The following SRSF1 variants were observed in gnomAD, a reference collection of about 807,000 sequenced individuals.
The protein encoded by SRSF1 is serine/arginine-rich splicing factor 1.
A neutral mutation model predicts 25.9 loss-of-function variants in SRSF1; 1 was observed. The ratio of observed to expected loss-of-function variants is 0.04; its 90% confidence interval spans 0.01 to 0.18. The LOEUF (loss-of-function observed/expected upper bound fraction) is 0.18, where lower values mean the gene tolerates loss of function less well. SRSF1 is among the 10% of genes least tolerant of loss of function. The pLI, the probability that SRSF1 is intolerant of heterozygous loss-of-function variation, is 1.00. For missense variants in SRSF1, 65 were observed against 350.5 expected, an observed-to-expected ratio of 0.19 and a Z score of 6.50; for synonymous variants, 132 against 126.2, an observed-to-expected ratio of 1.05 and a Z score of -0.31.
rs1412704232 is a variant in SRSF1 at position 58,005,855 on chromosome 17, T to C, written c.498A>G (p.Glu166=). 6.2e-7 allele frequency: 1 copy of C among 1,614,166 alleles called. No homozygotes were observed. The highest frequency in any genetic ancestry group is 1.7e-5 in the Admixed American group (1 of 60,024). ...GTTTTCGAACTGCATAGGTCATATC[T>C]TCTTTCCGTACAAACTCCACGACAC... ...GTGVVEFVRK[E]DMTYAVRKLD... Residue 166 remains glutamate, a synonymous_variant, in exon 3 of 4, where the codon GAA becomes GAG. Coordinates refer to ENST00000258962, the MANE Select transcript of SRSF1 (RefSeq NM_006924.5). This position sits in a 1 kb window ranked among gnomAD's most constrained non-coding sequence, Gnocchi z 5.2.
chr17:57,999,303 T>C (rs1401270011), downstream of SRSF1, among the ~76,000 whole-genome samples: 1 of 152,200 alleles, frequency 6.6e-6, no homozygotes, highest in Non-Finnish European at 1.5e-5. Context: ...AATTGTTATG[T>C]CTAGTTTTCC....
At chr17:58,006,263 T>C (rs2075426530) in intron 2 of SRSF1, 80 bp downstream of exon 2, 27 of 1,494,656 alleles carry the variant, frequency 1.8e-5, no homozygotes, top group South Asian at 1.5e-4. Flanking sequence ...AAATTTGCAA[T>C]TATTAAACCT....
intron 2 of SRSF1, 151 bp downstream of exon 2, chr17:58,006,192 G>T: frequency 9.2e-7 from 1 of 1,083,224 alleles, no homozygotes; most frequent in Non-Finnish European, 1.3e-6. Flanking sequence ...AATCACCACA[G>T]CAGCAATCCT....
intron 1 of SRSF1, 101 bp downstream of exon 1, chr17:58,006,843 C>T: frequency 7.0e-7 from 1 of 1,422,916 alleles, no homozygotes; most frequent in Non-Finnish European, 9.7e-7. Flanking sequence ...CCCAACCTCT[C>T]TAAGAGCCCC....
downstream of SRSF1, among the ~76,000 whole-genome samples, chr17:58,000,190 C>T (rs867702238): frequency 6.6e-6 from 1 of 152,132 alleles, no homozygotes; most frequent in Non-Finnish European, 1.5e-5. Context: ...TCACTACAAG[C>T]TCACAAGAAC....
chr17:57,996,300 T>G (rs755427037), downstream of SRSF1, among the ~76,000 whole-genome samples: 6 of 151,796 alleles, frequency 4.0e-5, no homozygotes, highest in Non-Finnish European at 1.5e-5. Flanking sequence ...CTGGCCAACA[T>G]AGTGAAACCC....
At chr17:57,993,819 C>A in the SRSF1 span, 7 of 152,222 alleles carry the variant, frequency 4.6e-5, no homozygotes, top group Admixed American at 2.6e-4. Flanking sequence ...TGACCCTGCC[C>A]TCTGCTAGCT....
chr17:58,002,383 TTTAA>T lies in SRSF1; in HGVS notation c.*3019_*3022del, dbSNP rs1273357389. ...CAAGATTTCTGGTTTTCCTTAGGTTTTTAATTGTCACCCAAATAATCACCTTAAA... is the reference window on the plus strand; with the variant it reads ...CAAGATTTCTGGTTTTCCTTAGGTTTTTGTCACCCAAATAATCACCTTAAA... On this transcript the variant is annotated 3_prime_UTR_variant, in exon 4 of 4. Coordinates refer to ENST00000258962, the MANE Select transcript of SRSF1 (RefSeq NM_006924.5). Among the ~76,000 whole-genome samples the T allele has an allele frequency of 1.3e-5, 2 of 152,248 alleles. No homozygotes were observed. The highest frequency in any genetic ancestry group is 2.9e-5 in the Non-Finnish European group (2 of 68,046).
chr17:57,998,946 T>C (rs571693432), downstream of SRSF1, among the ~76,000 whole-genome samples: 29 of 152,368 alleles, frequency 1.9e-4, no homozygotes, highest in African/African-American at 6.7e-4. Context: ...ATTTATACTG[T>C]AAACAGGAGA....
At chr17:57,997,810 C>CT (rs2075370759), downstream of SRSF1, among the ~76,000 whole-genome samples, 2 of 152,210 alleles carry the variant, frequency 1.3e-5, no homozygotes, top group African/African-American at 4.8e-5. Context: ...CAGAACTTGA[C>CT]TATCACCTTG....
rs1366565812 is a variant in SRSF1, at chr17:58,002,394, C to T, written c.*3012G>A. Among the ~76,000 whole-genome samples the T allele has an allele frequency of 6.6e-6, 1 of 152,172 alleles. No individual in the cohort carries two copies. The highest frequency in any genetic ancestry group is 1.5e-5 in the Non-Finnish European group (1 of 68,028). ...GTTTTCCTTAGGTTTTTAATTGTCACCCAAATAATCACCTTAAATTCAACT... is the reference window on the plus strand; with the variant it reads ...GTTTTCCTTAGGTTTTTAATTGTCATCCAAATAATCACCTTAAATTCAACT... On this transcript the variant is annotated 3_prime_UTR_variant, in exon 4 of 4. Transcript: ENST00000258962.
At chr17:57,998,864 T>C (rs888478856), downstream of SRSF1, among the ~76,000 whole-genome samples, 1 of 152,232 alleles carries the variant, frequency 6.6e-6, no homozygotes, top group Non-Finnish European at 1.5e-5. Flanking sequence ...TAAGGCCAGT[T>C]GTCCCACACC....
chr17:57,989,282 G>C, the SRSF1 span: 2 of 398,520 alleles, frequency 5.0e-6, no homozygotes, highest in Non-Finnish European at 8.8e-6. Flanking sequence ...GGGAATATCA[G>C]AGACAAGCTA....
chr17:58,006,042 T>G, intron 2 of SRSF1, 69 bp from the exon 3 acceptor site: 1 of 1,463,282 alleles, frequency 6.8e-7, no homozygotes, highest in South Asian at 1.2e-5. Flanking sequence ...GTAAGGTACA[T>G]TAGGACAAAG....
Position 58,005,903 on chromosome 17 carries a change from A to T in SRSF1, c.450T>A (p.Ala150=). 6.2e-7 allele frequency: 1 copy of T among 1,614,096 alleles called. No individual in the cohort carries two copies. The highest frequency in any genetic ancestry group is 8.5e-7 in the Non-Finnish European group (1 of 1,180,040). ...CACCAGTGCCATCTCGGTAAACATC[A>T]GCATAACATACATCACCTGCTTCAC... ...HMREAGDVCY[A]DVYRDGTGVV... The change falls in exon 3 of 4, where the codon GCT becomes GCA. Residue 150 remains alanine, a synonymous_variant. Transcript: ENST00000258962. The surrounding 1 kb of genome is among the most constrained non-coding windows in gnomAD (Gnocchi z 5.2).
At chr17:57,992,406 C>T in the SRSF1 span, 1 of 152,172 alleles carries the variant, frequency 6.6e-6, no homozygotes, top group Non-Finnish European at 1.5e-5. Context: ...GTCACACAAA[C>T]TTGGTGGTCC....
chr17:57,992,894 A>T, the SRSF1 span: 1 of 152,236 alleles, frequency 6.6e-6, no homozygotes, highest in East Asian at 1.9e-4. Context: ...TATGCAGTAT[A>T]CTCCCTGGGT....
rs2075423660 is a variant in SRSF1, at chr17:58,005,921, T to C, written c.432A>G (p.Ala144=). 3.1e-6 allele frequency: 5 copies of C among 1,613,794 alleles called. No homozygotes were observed. The highest frequency in any genetic ancestry group is 2.7e-5 in the African/African-American group (2 of 74,928). ...AAACATCAGCATAACATACATCACC[T>C]GCTTCACGCATGTGATCCTTTAAAT... ...WQDLKDHMRE[A]GDVCYADVYR... is the part of the protein sequence containing the mutation. The change falls in exon 3 of 4, where the codon GCA becomes GCG. Residue 144 remains alanine, a synonymous_variant. Coordinates refer to ENST00000258962, the MANE Select transcript of SRSF1 (RefSeq NM_006924.5). This position sits in a 1 kb window ranked among gnomAD's most constrained non-coding sequence, Gnocchi z 5.2.
At chr17:57,996,494 A>AAAAC (rs960039227), downstream of SRSF1, among the ~76,000 whole-genome samples, 2 of 150,938 alleles carry the variant, frequency 1.3e-5, no homozygotes, top group African/African-American at 4.9e-5. Flanking sequence ...AAAAAAAAAA[A>AAAAC]AAAAAAAAAC....
Sources: gnomAD v4.1 joint callset for allele counts (sites outside exome capture counted in the v4.1 genomes callset) on GRCh38, gnomAD v4.1.1 for gene constraint, Gnocchi (gnomAD v3.1) non-coding constraint, MANE v1.5 for transcripts, NCBI Gene and HGNC (gene_info 2026-07-23, HGNC 2026-07-21) for gene names.